Variants in PDE7B observed in about 807,000 individuals in gnomAD.
PDE7B encodes 3',5'-cyclic-AMP phosphodiesterase 7B.
In PDE7B, 29 loss-of-function variants were observed where a neutral mutation model predicts 56.2. The observed-to-expected ratio is 0.52, with a 90% CI of 0.38 to 0.70. PDE7B has a LOEUF of 0.70. Among genes scored for constraint, PDE7B ranks in the 30% least tolerant of loss-of-function variants. The pLI is 0.00. For missense variants in PDE7B, 490 were observed against 565.0 expected, an observed-to-expected ratio of 0.87 and a Z score of 1.35; for synonymous variants, 197 against 196.9, an observed-to-expected ratio of 1.00 and a Z score of 0.00.
intron 8 of PDE7B, among the ~76,000 whole-genome samples, chr6:136,164,813 G>T (rs941962471): frequency 1.5e-4 from 23 of 152,156 alleles, no homozygotes; most frequent in Middle Eastern, 3.4e-3. Context: ...AGAGGGAAAA[G>T]AATTTAATAT....
intron 2 of PDE7B, among the ~76,000 whole-genome samples, chr6:135,963,145 C>T (rs536431812): frequency 6.6e-5 from 10 of 152,128 alleles, no homozygotes; most frequent in Non-Finnish European, 8.8e-5. Flanking sequence ...CATGCATGCA[C>T]GTGCACATAT....
At chr6:136,140,832 C>T (rs1465040200) in intron 3 of PDE7B, among the ~76,000 whole-genome samples, 1 of 152,160 alleles carries the variant, frequency 6.6e-6, no homozygotes, top group Non-Finnish European at 1.5e-5. Context: ...TGAGACTTTG[C>T]TGAAGTTGCC....
At chr6:136,091,730 G>T (rs1219360943) in intron 2 of PDE7B, among the ~76,000 whole-genome samples, 2 of 152,260 alleles carry the variant, frequency 1.3e-5, no homozygotes, top group African/African-American at 4.8e-5. Context: ...TGCTGTGAAT[G>T]AATCTCCAGT....
intron 1 of PDE7B, among the ~76,000 whole-genome samples, chr6:135,901,349 A>T (rs992597874): frequency 2.0e-5 from 3 of 152,126 alleles, no homozygotes; most frequent in Non-Finnish European, 4.4e-5. Context: ...TGTATATGGG[A>T]TCTTGGTGGG....
intron 2 of PDE7B, among the ~76,000 whole-genome samples, chr6:136,106,624 T>C (rs1299508127): frequency 1.3e-5 from 2 of 152,208 alleles, no homozygotes; most frequent in African/African-American, 4.8e-5. Context: ...ACCATTCTTC[T>C]CTGAGCCTCT....
intron 1 of PDE7B, among the ~76,000 whole-genome samples, chr6:135,910,254 C>G (rs187699468): frequency 2.0e-5 from 3 of 152,326 alleles, no homozygotes; most frequent in Non-Finnish European, 2.9e-5. Context: ...CAACTCCTCA[C>G]TTACCAATAT....
At chr6:135,860,008 A>G (rs1340487597) in intron 1 of PDE7B, among the ~76,000 whole-genome samples, 1 of 152,058 alleles carries the variant, frequency 6.6e-6, no homozygotes, top group Non-Finnish European at 1.5e-5. Context: ...AGATGCTAAG[A>G]ATGATACTGT....
intron 2 of PDE7B, among the ~76,000 whole-genome samples, chr6:135,955,173 G>A (rs1301846959): frequency 6.6e-6 from 1 of 152,042 alleles, no homozygotes; most frequent in Non-Finnish European, 1.5e-5. Flanking sequence ...CAAAGATATT[G>A]AAATTCTATC....
At chr6:135,961,245 T>C (rs535854786) in intron 2 of PDE7B, among the ~76,000 whole-genome samples, 21 of 148,834 alleles carry the variant, frequency 1.4e-4, no homozygotes, top group African/African-American at 5.1e-4. Flanking sequence ...TGTTGGGTCA[T>C]AGAGTGTATA....
intron 6 of PDE7B, among the ~76,000 whole-genome samples, chr6:136,152,461 T>C (rs746407739): frequency 3.9e-5 from 6 of 152,182 alleles, no homozygotes; most frequent in Non-Finnish European, 8.8e-5. Context: ...TCCCATAGTT[T>C]AGGAGAGGTA....
chr6:135,969,199 G>A (rs1292912937), intron 2 of PDE7B, among the ~76,000 whole-genome samples: 5 of 152,084 alleles, frequency 3.3e-5, no homozygotes, highest in Non-Finnish European at 7.4e-5. Flanking sequence ...GCTAATGTAT[G>A]CTGGACTTAA....
chr6:136,165,879 A>C (rs1035302511), intron 8 of PDE7B, among the ~76,000 whole-genome samples: 2 of 152,182 alleles, frequency 1.3e-5, no homozygotes, highest in African/African-American at 4.8e-5. Flanking sequence ...CCCATTTAAA[A>C]ACTGAGGTTC....
intron 1 of PDE7B, among the ~76,000 whole-genome samples, chr6:135,941,692 A>C (rs1331203871): frequency 2.0e-5 from 3 of 152,248 alleles, no homozygotes; most frequent in Non-Finnish European, 4.4e-5. Flanking sequence ...AAATGTGAGA[A>C]GAAAATAATA....
intron 2 of PDE7B, among the ~76,000 whole-genome samples, chr6:136,086,449 T>C (rs1481526304): frequency 6.6e-6 from 1 of 151,670 alleles, no homozygotes; most frequent in Non-Finnish European, 1.5e-5. Context: ...GGAGGGGGGC[T>C]CCAAGCTGAA....
chr6:135,994,267 G>T (rs909474845), intron 2 of PDE7B, among the ~76,000 whole-genome samples: 2 of 151,882 alleles, frequency 1.3e-5, no homozygotes, highest in Non-Finnish European at 2.9e-5. Context: ...TTCAGAATAA[G>T]CACATTTGTT....
chr6:136,155,339 A>G (rs748910136), intron 7 of PDE7B, among the ~76,000 whole-genome samples: 1 of 152,228 alleles, frequency 6.6e-6, no homozygotes, highest in Non-Finnish European at 1.5e-5. Context: ...ACTGTTGCCA[A>G]CCAGCAATGC....
intron 3 of PDE7B, 87 bp downstream of exon 3, chr6:136,108,901 C>G: frequency 2.3e-6 from 2 of 854,256 alleles, no homozygotes; most frequent in South Asian, 2.7e-5. Flanking sequence ...AACTTCGAAA[C>G]CTTCTGGGGT....
At chr6:136,170,700 C>G (rs1247465172) in intron 8 of PDE7B, among the ~76,000 whole-genome samples, 1 of 152,076 alleles carries the variant, frequency 6.6e-6, no homozygotes, top group African/African-American at 2.4e-5. Context: ...GGGGCTGTAC[C>G]TTGGTGAGAG....
chr6:136,191,013 CTTTTTTTTTT>C lies in PDE7B; in HGVS notation c.1127-586_1127-577del, dbSNP rs752187218. On this transcript the variant is annotated intron_variant, in intron 12 of 12. Coordinates refer to ENST00000308191, the MANE Select transcript of PDE7B (RefSeq NM_018945.4). ...CTGCCTTCTTTAGCTCCAGCATACACTTTTTTTTTTTTTTTTTTTTTTTTACTTATATGTC... is the reference window on the plus strand; with the variant it reads ...CTGCCTTCTTTAGCTCCAGCATACACTTTTTTTTTTTTTTACTTATATGTC... Among the ~76,000 whole-genome samples, 22 of 99,304 alleles carry C rather than the reference CTTTTTTTTTT, an allele frequency of 2.2e-4. No homozygotes were observed. In the East Asian group the frequency reaches 5.4e-3, roughly 24 times the overall value. 65.1% of individuals were successfully genotyped at this position (99,304 alleles called of 152,430 possible).
Sources: allele counts gnomAD v4.1 joint callset (sites outside exome capture counted in the v4.1 genomes callset), GRCh38; gene constraint gnomAD v4.1.1; transcripts MANE v1.5; gene names NCBI Gene and HGNC (gene_info 2026-07-23, HGNC 2026-07-21).